TMEM132C: variants seen among roughly 807,000 people sequenced by gnomAD.
The protein encoded by TMEM132C is protein phosphatase 1, regulatory subunit 152.
In TMEM132C, 29 loss-of-function variants were observed where a neutral mutation model predicts 61.4. That is an observed-to-expected ratio of 0.47 (90% CI 0.35 to 0.64). TMEM132C has a LOEUF of 0.64. Ranked by LOEUF, TMEM132C falls within the 30% of genes least tolerant of loss-of-function variation. TMEM132C has a pLI of 0.00. For missense variants in TMEM132C, 1,408 were observed against 1,476.9 expected (o/e 0.95, Z 0.76); for synonymous variants, 656 against 633.1 (o/e 1.04, Z -0.54).
intron 2 of TMEM132C, among the ~76,000 whole-genome samples, chr12:128,485,051 C>T (rs962078715): frequency 5.9e-5 from 9 of 152,036 alleles, no homozygotes; most frequent in African/African-American, 1.7e-4. Context: ...AGGTGAGCGC[C>T]CCAAGAAACA....
chr12:128,505,244 G>T (rs372912659), intron 2 of TMEM132C, among the ~76,000 whole-genome samples: 1 of 152,130 alleles, frequency 6.6e-6, no homozygotes, highest in Admixed American at 6.5e-5. Context: ...TCAAGGTGCC[G>T]GTGGCCAATC....
At chr12:128,464,738 C>T (rs1238860713) in intron 2 of TMEM132C, among the ~76,000 whole-genome samples, 2 of 129,426 alleles carry the variant, frequency 1.5e-5, no homozygotes, top group Non-Finnish European at 3.3e-5. Context: ...GCACTCTAGC[C>T]TGGGCAGCAG....
intron 3 of TMEM132C, among the ~76,000 whole-genome samples, chr12:128,547,421 G>A (rs1047580528): frequency 4.0e-5 from 6 of 150,842 alleles, no homozygotes; most frequent in African/African-American, 1.2e-4. Context: ...AAAATTAGCC[G>A]GGCGTGGTGG....
chr12:128,349,171 T>G (rs1350625762), intron 1 of TMEM132C, among the ~76,000 whole-genome samples: 1 of 152,138 alleles, frequency 6.6e-6, no homozygotes, highest in African/African-American at 2.4e-5. Flanking sequence ...ACCCAGCTGA[T>G]TTTTGTATTT....
intron 4 of TMEM132C, among the ~76,000 whole-genome samples, chr12:128,633,001 C>T (rs563829244): frequency 6.6e-6 from 1 of 152,218 alleles, no homozygotes; most frequent in African/African-American, 2.4e-5. Flanking sequence ...CAATATAGGG[C>T]CAGGAATTCA....
At chr12:128,486,462 G>A (rs1871493850) in intron 2 of TMEM132C, among the ~76,000 whole-genome samples, 1 of 152,094 alleles carries the variant, frequency 6.6e-6, no homozygotes, top group Non-Finnish European at 1.5e-5. Context: ...TACAAGCTAA[G>A]AGGCAAAGGA....
chr12:128,621,201 G>A (rs941924398), intron 4 of TMEM132C, among the ~76,000 whole-genome samples: 3 of 152,156 alleles, frequency 2.0e-5, no homozygotes, highest in Non-Finnish European at 1.5e-5. Context: ...GCACCAGAGA[G>A]AACTGGAGGG....
chr12:128,627,963 A>T (rs931732045), intron 4 of TMEM132C, among the ~76,000 whole-genome samples: 4 of 152,122 alleles, frequency 2.6e-5, no homozygotes, highest in Admixed American at 2.6e-4. Context: ...GTGTAGGTGC[A>T]GGTGCAGGTG....
intron 2 of TMEM132C, among the ~76,000 whole-genome samples, chr12:128,455,732 C>G (rs1319716221): frequency 2.0e-5 from 3 of 152,080 alleles, no homozygotes; most frequent in Non-Finnish European, 2.9e-5. Context: ...TTGTGCACTC[C>G]CAGCCCTAGG....
At chr12:128,600,733 G>A (rs1335658701) in intron 3 of TMEM132C, among the ~76,000 whole-genome samples, 1 of 152,170 alleles carries the variant, frequency 6.6e-6, no homozygotes. Context: ...TGGCAGTCTG[G>A]GGCCCACCAT....
intron 3 of TMEM132C, among the ~76,000 whole-genome samples, chr12:128,566,034 C>T (rs1411232474): frequency 3.9e-5 from 6 of 151,958 alleles, no homozygotes; most frequent in South Asian, 2.1e-4. Flanking sequence ...GGATTACAGG[C>T]GTGTGCCACC....
intron 3 of TMEM132C, among the ~76,000 whole-genome samples, chr12:128,609,224 C>T (rs1205254294): frequency 8.1e-6 from 1 of 123,828 alleles, no homozygotes; most frequent in African/African-American, 3.0e-5. Context: ...CTGTAACCCC[C>T]GCCTCCCTGC....
At chr12:128,552,190 T>C (rs74902531) in intron 3 of TMEM132C, among the ~76,000 whole-genome samples, 3,780 of 152,326 alleles carry the variant, frequency 0.025, 175 homozygotes, top group African/African-American at 0.086. Context: ...TTCACTTATG[T>C]GTCTCAAGTT....
chr12:128,463,875 A>G (rs1219929318), intron 2 of TMEM132C, among the ~76,000 whole-genome samples: 3 of 152,084 alleles, frequency 2.0e-5, no homozygotes, highest in African/African-American at 7.2e-5. Flanking sequence ...TGTGAGTTGA[A>G]TGGCCATGTG....
At chr12:128,690,797 C>G (rs1186832876) in intron 5 of TMEM132C, among the ~76,000 whole-genome samples, 1 of 152,048 alleles carries the variant, frequency 6.6e-6, no homozygotes, top group Admixed American at 6.6e-5. Context: ...CCCAACTGCT[C>G]CCTGCCACTG....
chr12:128,477,602 C>T (rs1441309713), intron 2 of TMEM132C, among the ~76,000 whole-genome samples: 1 of 152,066 alleles, frequency 6.6e-6, no homozygotes, highest in African/African-American at 2.4e-5. Context: ...TTGTTTGAGA[C>T]AGAGTCTCAC....
chr12:128,552,839 C>T lies in TMEM132C; in HGVS notation c.1121+8736C>T, dbSNP rs138823225. Among the ~76,000 whole-genome samples, 483 of 152,008 alleles carry T rather than the reference C, an allele frequency of 3.2e-3. 1 individual carries two copies. The highest frequency in any genetic ancestry group is 5.6e-3 in the Non-Finnish European group (384 of 67,978). On this transcript the variant is annotated intron_variant, in intron 3 of 8. Transcript: ENST00000435159. The stretch of plus-strand genomic sequence containing the variant: ...AGGAGAATGGCTTGAACCCAGGAGG[C>T]GGAGGTTGCAGTGAGCCAAGATCAC...
chr12:128,618,062 C>T (rs1223389914), intron 4 of TMEM132C, among the ~76,000 whole-genome samples: 1 of 152,158 alleles, frequency 6.6e-6, no homozygotes, highest in African/African-American at 2.4e-5. Flanking sequence ...CCTGTTGGCT[C>T]ATAAACTCTG....
chr12:128,320,827 A>G (rs2135934767), intron 1 of TMEM132C, among the ~76,000 whole-genome samples: 1 of 152,072 alleles, frequency 6.6e-6, no homozygotes, highest in Middle Eastern at 3.4e-3. Context: ...AAAAAAAGAA[A>G]GAAAAAGGTG....
Sources: gnomAD v4.1 joint callset for allele counts (sites outside exome capture counted in the v4.1 genomes callset) on GRCh38, gnomAD v4.1.1 for gene constraint, MANE v1.5 for transcripts, NCBI Gene and HGNC (gene_info 2026-07-23, HGNC 2026-07-21) for gene names.